The following PTPN13 variants were observed in gnomAD, a reference collection of about 807,000 sequenced individuals.
PTPN13 encodes the protein protein tyrosine phosphatase non-receptor type 13, also known as tyrosine-protein phosphatase non-receptor type 13.
PTPN13 carries 191 observed loss-of-function variants against 284.0 expected under a neutral mutation model. The ratio of observed to expected loss-of-function variants is 0.67; its 90% CI spans 0.60 to 0.76. The LOEUF is 0.76. Among genes scored for constraint, PTPN13 ranks in the 30% least tolerant of loss-of-function variants. The pLI is 0.00. For missense variants in PTPN13, 2,797 were observed against 2,939.9 expected (o/e 0.95, Z 1.12); for synonymous variants, 986 against 1,022.3 (o/e 0.96, Z 0.68).
intron 47 of PTPN13, among the ~76,000 whole-genome samples, chr4:86,812,259 G>A (rs1469132235): frequency 9.6e-5 from 13 of 136,120 alleles, no homozygotes; most frequent in South Asian, 4.7e-4. Context: ...GCAGTGAGCC[G>A]AGATCCCGCC....
intron 3 of PTPN13, among the ~76,000 whole-genome samples, chr4:86,681,844 G>C (rs1728928150): frequency 6.6e-6 from 1 of 151,952 alleles, no homozygotes; most frequent in Non-Finnish European, 1.5e-5. Context: ...AGGGAGAATT[G>C]CTTGAACCCA....
At chr4:86,791,406 C>T (rs1358842508) in intron 40 of PTPN13, among the ~76,000 whole-genome samples, 1 of 152,192 alleles carries the variant, frequency 6.6e-6, no homozygotes, top group Non-Finnish European at 1.5e-5. Context: ...TCTCTAGATT[C>T]CACCTCTGGG....
chr4:86,670,342 T>C (rs1727601477), intron 2 of PTPN13, among the ~76,000 whole-genome samples: 1 of 150,564 alleles, frequency 6.6e-6, no homozygotes. Context: ...TTAAATGTAA[T>C]AGGTTCCAAA....
Position 86,668,807 on chromosome 4 carries a change from A to G in PTPN13, c.116-3558A>G, listed in dbSNP as rs544357802. Among the ~76,000 whole-genome samples the G allele has an allele frequency of 2.7e-3, 293 of 108,104 alleles. 2 individuals carry two copies. Among genetic ancestry groups the G allele is most frequent in the Middle Eastern group, 8.2e-3 (1 of 122 alleles). The allele number at this position is 108,104 out of a possible 152,430, so 70.9% of individuals were successfully genotyped here. A position where few individuals can be genotyped will look rare whatever the true frequency, so the allele number is the denominator to read the frequency against. On this transcript the variant is annotated intron_variant, in intron 2 of 47. Coordinates refer to ENST00000411767, the MANE Select transcript of PTPN13 (RefSeq NM_080683.3). ...TTTTTAGTAGAGACGGGGTTTCTCT[A>G]TGTTGGCCAGGCTGGTCTTGAACCC...
intron 42 of PTPN13, among the ~76,000 whole-genome samples, chr4:86,802,517 T>G (rs1341347927): frequency 2.0e-5 from 3 of 152,096 alleles, no homozygotes; most frequent in Non-Finnish European, 2.9e-5. Context: ...TTAGAAACTA[T>G]AAATAAATGA....
rs998247088 is a variant in PTPN13, at chr4:86,669,173, CT to C, written c.116-3184del. ...AAGTAATTTGGCTATCCTCCAAACT[CT>C]TTTTTTTCTTAGATACCTAATACTT... On this transcript the variant is annotated intron_variant, in intron 2 of 47. Coordinates refer to ENST00000411767, the MANE Select transcript of PTPN13 (RefSeq NM_080683.3). Among the ~76,000 whole-genome samples the C allele has an allele frequency of 1.6e-3, 237 of 147,944 alleles. 1 individual carries two copies. Among genetic ancestry groups the C allele is most frequent in the African/African-American group, 3.9e-3 (159 of 40,956 alleles).
intron 2 of PTPN13, among the ~76,000 whole-genome samples, chr4:86,648,455 C>T (rs925240605): frequency 2.4e-4 from 37 of 152,136 alleles, no homozygotes; most frequent in African/African-American, 7.7e-4. Flanking sequence ...TTGAAGCTCC[C>T]GCCTATGAGT....
chr4:86,692,701 A>C (rs140316074), intron 5 of PTPN13, among the ~76,000 whole-genome samples: 1,753 of 152,310 alleles, frequency 0.012, 10 homozygotes, highest in Non-Finnish European at 0.013. Context: ...AAGCTATTAA[A>C]CTTTAAGATT....
At chr4:86,622,851 A>G (rs1243562232) in intron 1 of PTPN13, among the ~76,000 whole-genome samples, 1 of 152,194 alleles carries the variant, frequency 6.6e-6, no homozygotes, top group Non-Finnish European at 1.5e-5. Flanking sequence ...TTACCTACTT[A>G]GCATCTTCAC....
chr4:86,603,887 T>C (rs1394733046), intron 1 of PTPN13, among the ~76,000 whole-genome samples: 3 of 152,076 alleles, frequency 2.0e-5, no homozygotes, highest in African/African-American at 7.2e-5. Context: ...ATTAAGATCA[T>C]TTGGTACTTT....
rs780744046 is a variant in PTPN13, at chr4:86,717,131, A to G, written c.1385+14A>G. 1.3e-6 allele frequency: 2 copies of G among 1,555,336 alleles called. No homozygotes were observed. Among genetic ancestry groups the G allele is most frequent in the Admixed American group, 1.7e-5 (1 of 59,612 alleles). ...ACAGAGACCGAGGTATGTCATGAAA[A>G]AGTAGTGATGATACATTTCCAGTGA... On this transcript the variant is annotated intron_variant, in intron 9 of 47. Coordinates refer to ENST00000411767, the MANE Select transcript of PTPN13 (RefSeq NM_080683.3).
chr4:86,722,433 G>T lies in PTPN13; in HGVS notation c.1607G>T (p.Arg536Met), dbSNP rs371515480. ...LETAMTQRKL[R>M]NFFGPEFVKM... is the part of the protein sequence containing the mutation. ...ACAGCCATGACTCAAAGAAAACTGA[G>T]GGTAAGTTGATTCTCAGGTTACTAC... is the stretch of plus-strand genomic sequence containing the variant. The change falls in exon 10 of 48, where the codon AGG (arginine) becomes ATG (methionine). Residue 536 changes from arginine (R) to methionine (M), a missense_variant and splice_region_variant. Coordinates refer to ENST00000411767, the MANE Select transcript of PTPN13 (RefSeq NM_080683.3). 27 of 1,608,672 alleles carry T rather than the reference G, an allele frequency of 1.7e-5. No homozygotes were observed. Among genetic ancestry groups the T allele is most frequent in the Non-Finnish European group, 2.1e-5 (25 of 1,175,366 alleles).
chr4:86,619,397 A>G (rs895861688), intron 1 of PTPN13, among the ~76,000 whole-genome samples: 1 of 152,208 alleles, frequency 6.6e-6, no homozygotes, highest in Non-Finnish European at 1.5e-5. Flanking sequence ...TCCATTCTAA[A>G]AATGATTTTG....
chr4:86,808,130 A>G (rs749700699), intron 45 of PTPN13, among the ~76,000 whole-genome samples: 8 of 152,214 alleles, frequency 5.3e-5, no homozygotes, highest in Non-Finnish European at 1.0e-4. Flanking sequence ...CTAAAATGGA[A>G]ATGAAAATGC....
chr4:86,637,506 G>C (rs1429812583), intron 2 of PTPN13, among the ~76,000 whole-genome samples: 1 of 151,748 alleles, frequency 6.6e-6, no homozygotes, highest in African/African-American at 2.4e-5. Context: ...TCATCCCTGG[G>C]GTGCAAGGCT....
chr4:86,676,845 G>T (rs1490059249), intron 3 of PTPN13, among the ~76,000 whole-genome samples: 3 of 152,172 alleles, frequency 2.0e-5, no homozygotes, highest in African/African-American at 7.2e-5. Context: ...AAAGGTGATT[G>T]CCAAGGACTG....
intron 7 of PTPN13, among the ~76,000 whole-genome samples, chr4:86,705,840 A>T (rs1643805305): frequency 6.6e-6 from 1 of 152,006 alleles, no homozygotes; most frequent in African/African-American, 2.4e-5. Context: ...AAAAAAAAAA[A>T]GGATGTATTC....
chr4:86,774,483 T>A lies in PTPN13; in HGVS notation c.5460T>A (p.Asp1820Glu). 1 of 1,605,368 alleles carries A rather than the reference T, an allele frequency of 6.2e-7. No homozygotes were observed. Among genetic ancestry groups the A allele is most frequent in the Non-Finnish European group, 8.5e-7 (1 of 1,175,622 alleles). Residue 1820 changes from aspartate (D) to glutamate (E), a missense_variant, in exon 33 of 48, where the codon GAT (aspartate) becomes GAA (glutamate). By Grantham distance (45) the Asp-to-Glu change is conservative. Transcript: ENST00000411767. ...IGCYVHDVIQDPAKSDGRLKP... is the reference protein window; with the variant it reads ...IGCYVHDVIQEPAKSDGRLKP... Reference sequence around the variant, plus strand: ...GTTATGTTCATGATGTCATACAGGATCCAGCCAAAAGTGATGGAAGGCTAA... The same window carrying A: ...GTTATGTTCATGATGTCATACAGGAACCAGCCAAAAGTGATGGAAGGCTAA...
In PTPN13 at chr4:86,644,920, A is replaced by T. The variant is rs140848362; in HGVS notation, c.115+9549A>T. On this transcript the variant is annotated intron_variant, in intron 2 of 47. Coordinates refer to ENST00000411767, the MANE Select transcript of PTPN13 (RefSeq NM_080683.3). ...CCATTTCAATCTTAAAAAGCTCTCA[A>T]CTCAACGCCGGGCTTGGCAGCTCAC... 1.2e-3 allele frequency among the ~76,000 whole-genome samples: 177 copies of T among 152,216 alleles called. 2 individuals are homozygous for T. The highest frequency in any genetic ancestry group is 4.1e-3 in the African/African-American group (169 of 41,538).
Sources: gnomAD v4.1 joint callset for allele counts (sites outside exome capture counted in the v4.1 genomes callset) on GRCh38, gnomAD v4.1.1 for gene constraint, MANE v1.5 for transcripts, NCBI Gene and HGNC (gene_info 2026-07-23, HGNC 2026-07-21) for gene names.